Variants in GPATCH2 observed in about 807,000 individuals in gnomAD.
The protein encoded by GPATCH2 is G patch domain-containing protein 2.
In GPATCH2, 51 loss-of-function variants were observed where a neutral mutation model predicts 58.0. The observed-to-expected ratio is 0.88, with a 90% CI of 0.70 to 1.11. GPATCH2 has a LOEUF of 1.11. GPATCH2 is among the 50% of genes most tolerant of loss of function. The pLI is 0.00. For missense variants in GPATCH2, 625 were observed against 652.2 expected (o/e 0.96, Z 0.45); for synonymous variants, 222 against 218.5 (o/e 1.02, Z -0.14).
intron 8 of GPATCH2, among the ~76,000 whole-genome samples, chr1:217,485,772 A>T (rs2102524602): frequency 6.6e-6 from 1 of 152,276 alleles, no homozygotes; most frequent in East Asian, 1.9e-4. Context: ...CAACTGTAAT[A>T]TGGTGGTAAG....
intron 8 of GPATCH2, among the ~76,000 whole-genome samples, chr1:217,486,914 TTCCATGAAGC>T (rs1253684692): frequency 6.6e-6 from 1 of 152,194 alleles, no homozygotes; most frequent in African/African-American, 2.4e-5. Context: ...TTTCACCTAG[TTCCATGAAGC>T]TCCTCAAAAA....
intron 5 of GPATCH2, among the ~76,000 whole-genome samples, chr1:217,584,344 A>AAAAAAAAAAAAAATATATATATATATAT (rs1463910405): frequency 2.0e-5 from 2 of 101,852 alleles, no homozygotes; most frequent in Non-Finnish European, 3.9e-5. Flanking sequence ...AAAAAAAAAA[A>AAAAAAAAAAAAAATATATATATATATAT]ATATATATAT....
chr1:217,500,723 T>C (rs1662254868), intron 6 of GPATCH2, among the ~76,000 whole-genome samples: 1 of 152,032 alleles, frequency 6.6e-6, no homozygotes, highest in Admixed American at 6.6e-5. Context: ...GAGATCTGGG[T>C]CCTCCAGTAT....
intron 2 of GPATCH2, among the ~76,000 whole-genome samples, chr1:217,616,468 A>T (rs1446785428): frequency 6.6e-5 from 10 of 152,218 alleles, no homozygotes; most frequent in African/African-American, 2.4e-4. Context: ...TCTTGAAGAT[A>T]TAAGGAAATC....
chr1:217,485,920 T>A (rs1279357670), intron 8 of GPATCH2, among the ~76,000 whole-genome samples: 1 of 152,228 alleles, frequency 6.6e-6, no homozygotes, highest in East Asian at 1.9e-4. Context: ...TGTACCAGAC[T>A]GTCTTAATTA....
chr1:217,472,418 CA>C (rs1477808184), intron 8 of GPATCH2, among the ~76,000 whole-genome samples: 1 of 151,310 alleles, frequency 6.6e-6, no homozygotes, highest in African/African-American at 2.4e-5. Context: ...TCTCCCGCCT[CA>C]GCCTCCCGAG....
At chr1:217,546,701 A>G (rs1665072072) in intron 5 of GPATCH2, among the ~76,000 whole-genome samples, 1 of 152,266 alleles carries the variant, frequency 6.6e-6, no homozygotes, top group Admixed American at 6.5e-5. Context: ...GGCAGACTTC[A>G]TGATGAAGAT....
chr1:217,514,810 C>T lies in GPATCH2; in HGVS notation c.1166+12G>A. 1 of 1,312,396 alleles carries T rather than the reference C, an allele frequency of 7.6e-7. No individual in the cohort carries two copies. The highest frequency in any genetic ancestry group is 1.1e-6 in the Non-Finnish European group (1 of 905,286). 81.3% of individuals were successfully genotyped at this position (1,312,396 alleles called of 1,614,324 possible). On this transcript the variant is annotated intron_variant, in intron 6 of 9. Coordinates refer to ENST00000366935, the MANE Select transcript of GPATCH2 (RefSeq NM_018040.5). ...ACTCCAATAAGGTTATATAAACACACTGAGTACTCACTCATGGTGATGAGA... is the reference window on the plus strand; with the variant it reads ...ACTCCAATAAGGTTATATAAACACATTGAGTACTCACTCATGGTGATGAGA...
chr1:217,625,549 A>G (rs1034832866), intron 1 of GPATCH2, among the ~76,000 whole-genome samples: 1 of 152,214 alleles, frequency 6.6e-6, no homozygotes, highest in Non-Finnish European at 1.5e-5. Context: ...TGTTACCAAT[A>G]ATTGCTATTC....
intron 9 of GPATCH2, among the ~76,000 whole-genome samples, chr1:217,448,078 ACAAGG>A (rs1659471781): frequency 6.6e-6 from 1 of 150,408 alleles, no homozygotes; most frequent in Non-Finnish European, 1.5e-5. Context: ...AGCCTGGGTG[ACAAGG>A]GTGAAACTCT....
At chr1:217,468,505 GCACACACAAC>G (rs1436817968) in intron 8 of GPATCH2, among the ~76,000 whole-genome samples, 1 of 128,438 alleles carries the variant, frequency 7.8e-6, no homozygotes, top group Admixed American at 8.5e-5. Flanking sequence ...GTCAAGGAAT[GCACACACAAC>G]CACACACACA....
At chr1:217,629,533 A>G (rs1475463359) in intron 1 of GPATCH2, among the ~76,000 whole-genome samples, 2 of 152,192 alleles carry the variant, frequency 1.3e-5, no homozygotes, top group Non-Finnish European at 2.9e-5. Flanking sequence ...GAGCAGACCA[A>G]TCTACATAGG....
intron 5 of GPATCH2, among the ~76,000 whole-genome samples, chr1:217,568,154 A>T (rs2102709847): frequency 6.6e-6 from 1 of 152,292 alleles, no homozygotes; most frequent in South Asian, 2.1e-4. Context: ...AAACCCCAAC[A>T]TTATTTATAA....
intron 9 of GPATCH2, among the ~76,000 whole-genome samples, chr1:217,446,868 A>G (rs1249279916): frequency 6.6e-6 from 1 of 152,236 alleles, no homozygotes; most frequent in Non-Finnish European, 1.5e-5. Context: ...ATCGCCTTGC[A>G]GAAATAATTA....
In GPATCH2 at chr1:217,584,343, AAATATATAT is replaced by A. The variant is rs1232634201; in HGVS notation, c.1098+25969_1098+25977del. On this transcript the variant is annotated intron_variant, in intron 5 of 9. Transcript: ENST00000366935. ...CCTCACCTCTACTAAAAAAAAAAAA[AAATATATAT>A]ATATATATATATACACACACACAAA... 9.5e-3 allele frequency among the ~76,000 whole-genome samples: 1,006 copies of A among 105,952 alleles called. 8 individuals are homozygous for A. Among genetic ancestry groups the A allele is most frequent in the African/African-American group, 0.019 (583 of 31,170 alleles). 69.5% of individuals were successfully genotyped at this position (105,952 alleles called of 152,430 possible).
chr1:217,522,002 A>C (rs777452512), intron 5 of GPATCH2, among the ~76,000 whole-genome samples: 1 of 152,214 alleles, frequency 6.6e-6, no homozygotes, highest in Non-Finnish European at 1.5e-5. Flanking sequence ...AAGAGCAGCA[A>C]ATATATTTCT....
intron 5 of GPATCH2, among the ~76,000 whole-genome samples, chr1:217,542,112 C>T (rs1036215961): frequency 6.6e-6 from 1 of 152,162 alleles, no homozygotes. Context: ...CGAGATTATA[C>T]AATTTAAGCT....
intron 2 of GPATCH2, among the ~76,000 whole-genome samples, chr1:217,614,716 G>GA (rs142315490): frequency 0.19 from 27,486 of 144,758 alleles, 2,845 homozygotes; most frequent in Middle Eastern, 0.27. Context: ...AGTTTGCAAG[G>GA]AATAAAAAGT....
intron 5 of GPATCH2, among the ~76,000 whole-genome samples, chr1:217,548,807 C>A (rs1391114625): frequency 6.6e-6 from 1 of 152,186 alleles, no homozygotes; most frequent in African/African-American, 2.4e-5. Context: ...CTCTCCCCTG[C>A]TGCCCTGTAA....
Sources: gnomAD v4.1 joint callset for allele counts (sites outside exome capture counted in the v4.1 genomes callset) on GRCh38, gnomAD v4.1.1 for gene constraint, MANE v1.5 for transcripts, NCBI Gene and HGNC (gene_info 2026-07-23, HGNC 2026-07-21) for gene names.